Variants in CNTN5 observed in about 807,000 individuals in gnomAD.
CNTN5 encodes the protein contactin-5.
CNTN5 carries 77 observed loss-of-function variants against 129.1 expected under a neutral mutation model. The ratio of observed to expected loss-of-function variants is 0.60; its 90% confidence interval spans 0.50 to 0.72. The LOEUF is 0.72. CNTN5 is among the 30% of genes least tolerant of loss of function. CNTN5 has a pLI of 0.00. For synonymous variants in CNTN5, 509 were observed against 465.6 expected (o/e 1.09, Z -1.20); for missense variants, 1,478 against 1,328.8 (o/e 1.11, Z -1.75).
At chr11:99,626,106 A>C (rs1028027447) in intron 3 of CNTN5, among the ~76,000 whole-genome samples, 1 of 151,948 alleles carries the variant, frequency 6.6e-6, no homozygotes, top group African/African-American at 2.4e-5. Flanking sequence ...TGAATGGGAG[A>C]ATGGAGAGAA....
chr11:99,170,964 A>G (rs1861120152), intron 1 of CNTN5, among the ~76,000 whole-genome samples: 1 of 152,240 alleles, frequency 6.6e-6, no homozygotes, highest in African/African-American at 2.4e-5. Context: ...CTAATGCAAT[A>G]TTAAGGCTGC....
chr11:100,263,799 T>C (rs990512127), intron 17 of CNTN5, among the ~76,000 whole-genome samples: 2 of 152,142 alleles, frequency 1.3e-5, no homozygotes, highest in African/African-American at 4.8e-5. Context: ...AGATCTGGTG[T>C]TGTGCACTCA....
intron 9 of CNTN5, among the ~76,000 whole-genome samples, chr11:100,035,162 C>G (rs192405962): frequency 1.3e-5 from 2 of 152,064 alleles, no homozygotes; most frequent in Admixed American, 1.3e-4. Flanking sequence ...TGATGTTCCC[C>G]TTCCTGTGTC....
At chr11:100,148,875 T>C (rs1211794952) in intron 13 of CNTN5, among the ~76,000 whole-genome samples, 1 of 152,014 alleles carries the variant, frequency 6.6e-6, no homozygotes, top group Non-Finnish European at 1.5e-5. Flanking sequence ...GTAATAAATA[T>C]TTTGGCAGCA....
At chr11:99,684,684 TG>T (rs1953708937) in intron 3 of CNTN5, among the ~76,000 whole-genome samples, 1 of 151,924 alleles carries the variant, frequency 6.6e-6, no homozygotes, top group Non-Finnish European at 1.5e-5. Flanking sequence ...CTATTGTTTT[TG>T]TTAGCTTAGT....
At chr11:100,050,714 T>C (rs886428716) in intron 9 of CNTN5, among the ~76,000 whole-genome samples, 3 of 152,074 alleles carry the variant, frequency 2.0e-5, no homozygotes, top group African/African-American at 4.8e-5. Context: ...ATTTTTTATA[T>C]ATGAAGATAT....
intron 13 of CNTN5, among the ~76,000 whole-genome samples, chr11:100,133,631 A>T (rs1317255766): frequency 6.6e-6 from 1 of 152,102 alleles, no homozygotes; most frequent in East Asian, 1.9e-4. Context: ...AAAGTTATAA[A>T]TGTGGCCATA....
intron 3 of CNTN5, among the ~76,000 whole-genome samples, chr11:99,681,171 G>C (rs75065187): frequency 2.0e-5 from 3 of 152,030 alleles, no homozygotes; most frequent in African/African-American, 7.3e-5. Flanking sequence ...TCTACTCCTG[G>C]TGAAGATGCT....
At chr11:100,150,651 G>C (rs373838244) in intron 13 of CNTN5, among the ~76,000 whole-genome samples, 1 of 151,352 alleles carries the variant, frequency 6.6e-6, no homozygotes. Context: ...TGGAATACTC[G>C]GAAAATCAGT....
intron 3 of CNTN5, among the ~76,000 whole-genome samples, chr11:99,620,330 A>C (rs1161946391): frequency 6.8e-6 from 1 of 147,414 alleles, no homozygotes; most frequent in Non-Finnish European, 1.5e-5. Context: ...CTAAATGTAC[A>C]TTTAAAAATA....
chr11:99,849,973 C>A (rs528597462), intron 6 of CNTN5, among the ~76,000 whole-genome samples: 1 of 152,096 alleles, frequency 6.6e-6, no homozygotes, highest in African/African-American at 2.4e-5. Context: ...ATGCTTGCTT[C>A]CTCAGTCATC....
At chr11:99,646,165 T>C (rs546653577) in intron 3 of CNTN5, among the ~76,000 whole-genome samples, 38 of 152,262 alleles carry the variant, frequency 2.5e-4, no homozygotes, top group African/African-American at 8.4e-4. Flanking sequence ...CTCTGTTTTG[T>C]TTATTTTGTC....
At chr11:100,186,330 G>T (rs1948301059) in intron 13 of CNTN5, among the ~76,000 whole-genome samples, 1 of 152,112 alleles carries the variant, frequency 6.6e-6, no homozygotes, top group Non-Finnish European at 1.5e-5. Context: ...AGCCATGACT[G>T]TACCACTGCA....
intron 3 of CNTN5, among the ~76,000 whole-genome samples, chr11:99,659,134 C>T (rs937996823): frequency 6.6e-6 from 1 of 152,028 alleles, no homozygotes; most frequent in Admixed American, 6.6e-5. Context: ...TGATCATTTA[C>T]TCTTTAAAAT....
chr11:100,174,294 T>C (rs1478067511), intron 13 of CNTN5, among the ~76,000 whole-genome samples: 2 of 152,144 alleles, frequency 1.3e-5, no homozygotes, highest in Non-Finnish European at 2.9e-5. Flanking sequence ...TTAAAACTTT[T>C]GAGTTAGTAG....
chr11:99,345,976 A>G (rs968448462), intron 2 of CNTN5, among the ~76,000 whole-genome samples: 1 of 152,232 alleles, frequency 6.6e-6, no homozygotes, highest in Non-Finnish European at 1.5e-5. Flanking sequence ...ATTTCATAAT[A>G]TTGAAGGAAC....
chr11:99,223,672 G>A (rs1860522642), intron 1 of CNTN5, among the ~76,000 whole-genome samples: 1 of 152,124 alleles, frequency 6.6e-6, no homozygotes, highest in Non-Finnish European at 1.5e-5. Flanking sequence ...TAATTACATA[G>A]AAGTCCCCAT....
intron 2 of CNTN5, among the ~76,000 whole-genome samples, chr11:99,372,334 C>CA (rs920479458): frequency 7.1e-4 from 108 of 151,414 alleles, no homozygotes; most frequent in African/African-American, 2.4e-3. Flanking sequence ...CGTAAAGAAA[C>CA]AAAAAAAAGT....
chr11:100,025,201 G>A (rs1407959903), intron 9 of CNTN5, among the ~76,000 whole-genome samples: 2 of 152,208 alleles, frequency 1.3e-5, no homozygotes, highest in African/African-American at 4.8e-5. Context: ...GCTGAAAGAG[G>A]CCAAAATACA....
Sources: gnomAD v4.1 joint callset for allele counts (sites outside exome capture counted in the v4.1 genomes callset) on GRCh38, gnomAD v4.1.1 for gene constraint, MANE v1.5 for transcripts, NCBI Gene and HGNC (gene_info 2026-07-23, HGNC 2026-07-21) for gene names.